The following RARS2 variants were observed in gnomAD, a reference collection of about 807,000 sequenced individuals.
RARS2 encodes the protein probable arginine--tRNA ligase, mitochondrial.
A neutral mutation model predicts 88.5 loss-of-function variants in RARS2; 67 were observed. The ratio of observed to expected loss-of-function variants is 0.76; its 90% CI spans 0.62 to 0.93. The LOEUF is 0.93. Ranked by LOEUF, RARS2 falls within the 40% of genes least tolerant of loss-of-function variation. The pLI is 0.00. For missense variants in RARS2, 664 were observed against 684.2 expected (o/e 0.97, Z 0.33); for synonymous variants, 239 against 230.3 (o/e 1.04, Z -0.34).
chr6:87,574,593 G>C (rs954653782), intron 1 of RARS2, among the ~76,000 whole-genome samples: 1 of 152,092 alleles, frequency 6.6e-6, no homozygotes, highest in Non-Finnish European at 1.5e-5. Flanking sequence ...AATAGGGAGG[G>C]AGGCACAGAC....
intron 8 of RARS2, among the ~76,000 whole-genome samples, chr6:87,541,008 G>T (rs1314010302): frequency 6.6e-6 from 1 of 151,636 alleles, no homozygotes; most frequent in Non-Finnish European, 1.5e-5. Flanking sequence ...GAAAAAAGCT[G>T]CAGTACATAT....
chr6:87,524,972 A>T (rs1775181986), intron 10 of RARS2, among the ~76,000 whole-genome samples: 1 of 152,228 alleles, frequency 6.6e-6, no homozygotes, highest in Non-Finnish European at 1.5e-5. Context: ...AATGTCACAC[A>T]TTCTCCTTCT....
chr6:87,530,098 T>C (rs1303017079), intron 9 of RARS2, among the ~76,000 whole-genome samples: 1 of 152,094 alleles, frequency 6.6e-6, no homozygotes, highest in Non-Finnish European at 1.5e-5. Context: ...CCACATGTGG[T>C]TGGTGGCTAC....
chr6:87,556,503 T>G (rs1185507492), intron 4 of RARS2, among the ~76,000 whole-genome samples: 2 of 151,818 alleles, frequency 1.3e-5, no homozygotes, highest in African/African-American at 4.8e-5. Context: ...AAAATTTTTT[T>G]TGGAAGGGCA....
At chr6:87,528,449 T>C (rs1280607995) in intron 10 of RARS2, among the ~76,000 whole-genome samples, 1 of 152,154 alleles carries the variant, frequency 6.6e-6, no homozygotes. Flanking sequence ...TATGTCCAAG[T>C]GAAATCTGCC....
intron 1 of RARS2, among the ~76,000 whole-genome samples, chr6:87,576,396 C>A (rs1256221323): frequency 9.2e-6 from 1 of 108,116 alleles, no homozygotes; most frequent in East Asian, 2.6e-4. Flanking sequence ...CCTGCCTCAG[C>A]CTCCCGAGTA....
At chr6:87,564,747 T>C in intron 2 of RARS2, 1 of 202,208 alleles carries the variant, frequency 4.9e-6, no homozygotes, top group Non-Finnish European at 1.0e-5. Flanking sequence ...CTAGTATTTA[T>C]TCAGAATGTT....
At chr6:87,551,363 C>T (rs946227138) in intron 5 of RARS2, among the ~76,000 whole-genome samples, 1 of 151,998 alleles carries the variant, frequency 6.6e-6, no homozygotes, top group Non-Finnish European at 1.5e-5. Context: ...TGGTCGCTCA[C>T]GTCTATAATA....
chr6:87,562,817 G>A lies in RARS2; in HGVS notation c.214-32C>T, dbSNP rs769263124. On this transcript the variant is annotated intron_variant, in intron 3 of 19. Transcript: ENST00000369536. ...AGAACAAATCACACAAAGTAGGTAT[G>A]TTATATAATAGGCCTAATGAGATAG... The A allele has an allele frequency of 2.6e-6, 4 of 1,524,132 alleles. No individual in the cohort carries two copies. In the East Asian group the frequency reaches 6.8e-5, roughly 26 times the overall value. 94.4% of individuals were successfully genotyped at this position (1,524,132 alleles called of 1,614,324 possible).
rs1788693733 is a variant in RARS2 at position 87,564,173 on chromosome 6, G to C, written c.170C>G (p.Ser57Ter). 2 of 1,613,680 alleles carry C rather than the reference G, an allele frequency of 1.2e-6. No homozygotes were observed. The highest frequency in any genetic ancestry group is 1.7e-6 in the Non-Finnish European group (2 of 1,179,714). The part of the protein sequence containing the change: ...DSLLEKDNDH[S>*]RPDIQVQAKR... The stretch of plus-strand genomic sequence containing the variant: ...GGCTTGAACTTGAATATCTGGTCTT[G>C]AATGGTCATTGTCTTTTTCCAATAA... Residue 57 changes from serine (S) to a stop codon, truncating the protein, a stop_gained, in exon 3 of 20, where the codon TCA becomes TGA. Transcript: ENST00000369536. LOFTEE classifies it high-confidence loss of function.
At chr6:87,585,362 T>C (rs1774818997) in intron 1 of RARS2, among the ~76,000 whole-genome samples, 1 of 152,230 alleles carries the variant, frequency 6.6e-6, no homozygotes, top group South Asian at 2.1e-4. Context: ...ACTCTTATTA[T>C]TGTCATCATA....
chr6:87,514,879 G>T, intron 19 of RARS2, 78 bp downstream of exon 19: 1 of 1,253,598 alleles, frequency 8.0e-7, no homozygotes, highest in South Asian at 1.2e-5. Flanking sequence ...TGCTATTTTA[G>T]AAAAATTTAC....
chr6:87,533,323 TA>T lies in RARS2; in HGVS notation c.613-2382del, dbSNP rs1325952839. Reference sequence around the variant, plus strand: ...TCTTAGTATTTCCGCAATATGTACTTATAAAACAAACATTAGTGAAAATCAA... The same window carrying T: ...TCTTAGTATTTCCGCAATATGTACTTTAAAACAAACATTAGTGAAAATCAA... On this transcript the variant is annotated intron_variant, in intron 8 of 19. Transcript: ENST00000369536. Among the ~76,000 whole-genome samples the T allele has an allele frequency of 4.6e-5, 7 of 152,138 alleles. No individual in the cohort carries two copies. In the East Asian group the frequency reaches 1.3e-3, roughly 29 times the overall value.
At chr6:87,539,452 C>T (rs1780214636) in intron 8 of RARS2, among the ~76,000 whole-genome samples, 1 of 152,236 alleles carries the variant, frequency 6.6e-6, no homozygotes, top group South Asian at 2.1e-4. Flanking sequence ...AAATATCTGC[C>T]TTGGCATGCT....
intron 11 of RARS2, among the ~76,000 whole-genome samples, 191 bp downstream of exon 11, chr6:87,524,366 T>C (rs1774970004): frequency 6.6e-6 from 1 of 152,250 alleles, no homozygotes; most frequent in South Asian, 2.1e-4. Flanking sequence ...TGGTCATCTT[T>C]TAGTATACAT....
intron 4 of RARS2, among the ~76,000 whole-genome samples, chr6:87,559,112 A>G (rs1786966332): frequency 1.3e-5 from 2 of 152,204 alleles, no homozygotes; most frequent in Admixed American, 1.3e-4. Flanking sequence ...GAATAAGGAT[A>G]TATTTTTGTA....
chr6:87,520,246 C>T lies in RARS2; in HGVS notation c.1046G>A (p.Gly349Glu), dbSNP rs772454977. 6.2e-7 allele frequency: 1 copy of T among 1,608,230 alleles called. No homozygotes were observed. The highest frequency in any genetic ancestry group is 1.7e-5 in the Admixed American group (1 of 59,994). ...TACTTGCTGAAAATGCTTTTTTTGT[C>T]CTTTATCTGTCTTGGGAAGAAAATA... ...FDTMIYVTDKGQKKHFQQVFQ... is the reference protein window; with the variant it reads ...FDTMIYVTDKEQKKHFQQVFQ... Residue 349 changes from glycine (G) to glutamate (E), a missense_variant, in exon 13 of 20, where the codon GGA becomes GAA. Physicochemically the swap from Gly to Glu is moderately conservative, Grantham distance 98. Coordinates refer to ENST00000369536, the MANE Select transcript of RARS2 (RefSeq NM_020320.5).
chr6:87,564,052 G>A, intron 3 of RARS2, 78 bp downstream of exon 3: 1 of 1,057,350 alleles, frequency 9.5e-7, no homozygotes, highest in Non-Finnish European at 1.5e-6. Flanking sequence ...CACTATTATG[G>A]CTGAGATAGC....
At chr6:87,536,901 G>C (rs1263313979) in intron 8 of RARS2, among the ~76,000 whole-genome samples, 1 of 152,130 alleles carries the variant, frequency 6.6e-6, no homozygotes, top group African/African-American at 2.4e-5. Context: ...CAAAATCCTA[G>C]GTCCCACGTA....
Sources: gnomAD v4.1 joint callset for allele counts (sites outside exome capture counted in the v4.1 genomes callset) on GRCh38, gnomAD v4.1.1 for gene constraint, MANE v1.5 for transcripts, NCBI Gene and HGNC (gene_info 2026-07-23, HGNC 2026-07-21) for gene names.